Variants in PDE5A observed in about 807,000 individuals in gnomAD.
PDE5A encodes the protein cGMP-specific 3',5'-cyclic phosphodiesterase.
PDE5A carries 67 observed loss-of-function variants against 110.2 expected under a neutral mutation model. The observed-to-expected ratio is 0.61, with a 90% CI of 0.50 to 0.75. PDE5A has a LOEUF of 0.75. Ranked by LOEUF, PDE5A falls within the 30% of genes least tolerant of loss-of-function variation. PDE5A has a pLI of 0.00. For synonymous variants in PDE5A, 328 were observed against 351.2 expected, an observed-to-expected ratio of 0.93 and a Z score of 0.74; for missense variants, 862 against 1,045.1, an observed-to-expected ratio of 0.82 and a Z score of 2.42.
chr4:119,627,265 G>C lies in PDE5A; in HGVS notation c.152+1255C>G, dbSNP rs1298906199. On this transcript the variant is annotated intron_variant, in intron 1 of 20. Coordinates refer to ENST00000354960, the MANE Select transcript of PDE5A (RefSeq NM_001083.4). The surrounding 1 kb of genome is among the most constrained non-coding windows in gnomAD (Gnocchi z 4.6). ...CAACAACGCGCGCAGGTGAGGTGAGGTGAGGTCGGCGACTCAGAACCAGCT... is the reference window on the plus strand; with the variant it reads ...CAACAACGCGCGCAGGTGAGGTGAGCTGAGGTCGGCGACTCAGAACCAGCT... 5 of 1,576,480 alleles carry C rather than the reference G, an allele frequency of 3.2e-6. No homozygotes were observed. Among genetic ancestry groups the C allele is most frequent in the Non-Finnish European group, 4.3e-6 (5 of 1,160,060 alleles).
intron 14 of PDE5A, 42 bp downstream of exon 14, chr4:119,519,003 A>G (rs201240701): frequency 7.3e-5 from 105 of 1,440,714 alleles, no homozygotes; most frequent in Non-Finnish European, 1.5e-5. Flanking sequence ...CAGCCCTACA[A>G]TTAAAAGAAA....
intron 1 of PDE5A, among the ~76,000 whole-genome samples, chr4:119,612,689 A>AC (rs2110555593): frequency 1.3e-5 from 2 of 152,334 alleles, no homozygotes; most frequent in Admixed American, 1.3e-4. Flanking sequence ...CCCTCCTGTG[A>AC]GGACACATAA....
intron 11 of PDE5A, among the ~76,000 whole-genome samples, chr4:119,530,994 G>C (rs1347120288): frequency 1.3e-5 from 2 of 152,090 alleles, no homozygotes; most frequent in African/African-American, 4.8e-5. Context: ...GTTACAGCTT[G>C]TCTTAATAAT....
chr4:119,551,018 A>G (rs1035027027), intron 9 of PDE5A, among the ~76,000 whole-genome samples: 3 of 152,158 alleles, frequency 2.0e-5, no homozygotes, highest in African/African-American at 7.2e-5. Flanking sequence ...AGTTGACTCA[A>G]CAGCCCAGCA....
chr4:119,521,064 T>G lies in PDE5A; in HGVS notation c.1780-4A>C. 1 of 1,610,736 alleles carries G rather than the reference T, an allele frequency of 6.2e-7. No individual in the cohort carries two copies. The highest frequency in any genetic ancestry group is 8.5e-7 in the Non-Finnish European group (1 of 1,178,020). On this transcript the variant is annotated splice_polypyrimidine_tract_variant and splice_region_variant and intron_variant, in intron 12 of 20. Coordinates refer to ENST00000354960, the MANE Select transcript of PDE5A (RefSeq NM_001083.4). ...TTAAAATCCATCTGCAAAGAACCTT[T>G]AGGGAATAAAACATAAGTAGTAACA...
chr4:119,522,019 G>C (rs1283577526), intron 12 of PDE5A, among the ~76,000 whole-genome samples: 6 of 152,078 alleles, frequency 3.9e-5, no homozygotes, highest in Admixed American at 6.6e-5. Context: ...CCAGGGAAAA[G>C]AATGTTGCTT....
rs1156778146 is a variant in PDE5A at position 119,548,757 on chromosome 4, T to C, written c.1396+3793A>G. The C allele has an allele frequency of 2.0e-5, 3 of 152,192 alleles. 1 individual carries two copies. The highest frequency in any genetic ancestry group is 4.1e-4 in the South Asian group (2 of 4,828). 9.4% of individuals were successfully genotyped at this position (152,192 alleles called of 1,614,324 possible). A position where few individuals can be genotyped will look rare whatever the true frequency, so the allele number is the denominator to read the frequency against. ...ACTTCCATAATTCTAAACTATAATA[T>C]CTTAATTCTATTTTTTTCTAGTTTT... On this transcript the variant is annotated intron_variant, in intron 9 of 20. Coordinates refer to ENST00000354960, the MANE Select transcript of PDE5A (RefSeq NM_001083.4).
At chr4:119,555,521 AC>A (rs1727505124) in intron 7 of PDE5A, among the ~76,000 whole-genome samples, 1 of 152,162 alleles carries the variant, frequency 6.6e-6, no homozygotes, top group Non-Finnish European at 1.5e-5. Flanking sequence ...GCTATAGTGA[AC>A]AAAAGAAGAA....
At chr4:119,562,653 C>T (rs1235641118) in intron 6 of PDE5A, among the ~76,000 whole-genome samples, 180 bp downstream of exon 6, 1 of 152,114 alleles carries the variant, frequency 6.6e-6, no homozygotes, top group Non-Finnish European at 1.5e-5. Flanking sequence ...CACCCTCCAC[C>T]CTCCACCCCT....
At chr4:119,534,185 T>C (rs1019426706) in intron 11 of PDE5A, among the ~76,000 whole-genome samples, 8 of 152,150 alleles carry the variant, frequency 5.3e-5, no homozygotes, top group Admixed American at 3.9e-4. Context: ...CAAAGTATTG[T>C]TTCAGAGGAT....
At chr4:119,500,093 T>C (rs548952466) in intron 20 of PDE5A, 1 of 152,170 alleles carries the variant, frequency 6.6e-6, no homozygotes, top group African/African-American at 2.4e-5. Flanking sequence ...GGAGAAACTC[T>C]TAATCCAATC....
rs932401783 is a variant in PDE5A at position 119,523,841 on chromosome 4, C to A, written c.1779+1708G>T. On this transcript the variant is annotated intron_variant, in intron 12 of 20. Transcript: ENST00000354960. ...ATTATTAGTTTCAAGAATGGGAGTA[C>A]TCAGGAATGGAAAAGGATTTGAGAT... Among the ~76,000 whole-genome samples, 3 of 152,090 alleles carry A rather than the reference C, an allele frequency of 2.0e-5. No individual in the cohort carries two copies. In the South Asian group the frequency reaches 6.2e-4, roughly 32 times the overall value.
intron 3 of PDE5A, among the ~76,000 whole-genome samples, chr4:119,581,117 C>T (rs1728574987): frequency 6.6e-6 from 1 of 152,194 alleles, no homozygotes; most frequent in East Asian, 1.9e-4. Flanking sequence ...GTAAAATGTC[C>T]TGCCAATAAA....
intron 3 of PDE5A, among the ~76,000 whole-genome samples, chr4:119,568,614 C>G (rs576350397): frequency 1.3e-5 from 2 of 152,186 alleles, no homozygotes; most frequent in East Asian, 3.9e-4. Context: ...TTTCATGATA[C>G]AGTGGCCATG....
intron 18 of PDE5A, among the ~76,000 whole-genome samples, chr4:119,503,772 G>A (rs1178763447): frequency 3.9e-5 from 6 of 152,040 alleles, no homozygotes; most frequent in Non-Finnish European, 7.4e-5. Context: ...TGAAAACTGT[G>A]CTAATGTAGA....
At position 119,542,505 on chromosome 4, in the gene PDE5A, T is replaced by A. The variant is rs200041323; in HGVS notation, c.1526A>T (p.Tyr509Phe). Residue 509 changes from tyrosine (Y) to phenylalanine (F), a missense_variant, in exon 10 of 21, where the codon TAT becomes TTT. Tyr to Phe is a conservative substitution (Grantham distance 22). Transcript: ENST00000354960. The part of the protein sequence containing the change: ...CGLGIQNTQM[Y>F]EAVERAMAKQ... ...GGCCATGGCTCTCTCCACTGCTTCA[T>A]ACATCTGCGTGTTCTGGATCCCCAA... 6.2e-7 allele frequency: 1 copy of A among 1,613,956 alleles called. No individual in the cohort carries two copies.
chr4:119,562,974 G>A lies in PDE5A; in HGVS notation c.994-4C>T. On this transcript the variant is annotated splice_region_variant and splice_polypyrimidine_tract_variant and intron_variant, in intron 5 of 20. Coordinates refer to ENST00000354960, the MANE Select transcript of PDE5A (RefSeq NM_001083.4). The stretch of plus-strand genomic sequence containing the variant: ...AACTAGCAAGGTCAAGCAGCACCTA[G>A]ACAAAAAAATTAGGAGCTCATTATT... 1.3e-6 allele frequency: 2 copies of A among 1,556,430 alleles called. No homozygotes were observed. Among genetic ancestry groups the A allele is most frequent in the Non-Finnish European group, 1.7e-6 (2 of 1,159,708 alleles).
rs560175548 is a variant in PDE5A at position 119,575,785 on chromosome 4, G to A, written c.832-8641C>T. On this transcript the variant is annotated intron_variant, in intron 3 of 20. Coordinates refer to ENST00000354960, the MANE Select transcript of PDE5A (RefSeq NM_001083.4). ...AGGAAGAAACTGCATCAACTAACGA[G>A]TAAAATAACCAGCTAACATTATAAT... Among the ~76,000 whole-genome samples, 10 of 152,290 alleles carry A rather than the reference G, an allele frequency of 6.6e-5. No individual in the cohort carries two copies. The South Asian group carries it at 2.1e-3, about 32-fold the overall frequency.
At chr4:119,563,062 C>T (rs1216234695) in intron 5 of PDE5A, 92 bp from the exon 6 acceptor site, 2 of 1,071,816 alleles carry the variant, frequency 1.9e-6, no homozygotes, top group Non-Finnish European at 2.6e-6. Context: ...GTTTATATAA[C>T]CTAGCAGGTT....
Sources: gnomAD v4.1 joint callset for allele counts (sites outside exome capture counted in the v4.1 genomes callset) on GRCh38, gnomAD v4.1.1 for gene constraint, Gnocchi (gnomAD v3.1) non-coding constraint, MANE v1.5 for transcripts, NCBI Gene and HGNC (gene_info 2026-07-23, HGNC 2026-07-21) for gene names.